VPS13B: variants seen among roughly 807,000 people sequenced by gnomAD.
The protein encoded by VPS13B is vacuolar protein sorting 13 homolog B, also known as intermembrane lipid transfer protein VPS13B.
VPS13B carries 285 observed loss-of-function variants against 426.4 expected under a neutral mutation model. The ratio of observed to expected loss-of-function variants is 0.67; its 90% CI spans 0.61 to 0.74. The LOEUF (loss-of-function observed/expected upper bound fraction) is 0.74, where lower values mean the gene tolerates loss of function less well. VPS13B is among the 30% of genes least tolerant of loss of function. The probability of loss-of-function intolerance (pLI) is 0.00; values close to 1 mark genes in which losing one functional copy is unlikely to be tolerated. For missense variants in VPS13B, 4,537 were observed against 4,782.6 expected (o/e 0.95, Z 1.51); for synonymous variants, 1,676 against 1,676.4 (o/e 1.00, Z 0.01).
chr8:99,278,162 T>C (rs1818991914), intron 19 of VPS13B, among the ~76,000 whole-genome samples: 1 of 152,168 alleles, frequency 6.6e-6, no homozygotes, highest in Non-Finnish European at 1.5e-5. Context: ...TTTTGGGTCA[T>C]GGCATGATGT....
intron 17 of VPS13B, among the ~76,000 whole-genome samples, chr8:99,259,079 G>C (rs568206617): frequency 2.6e-5 from 4 of 152,048 alleles, no homozygotes; most frequent in Admixed American, 6.6e-5. Context: ...ATTAACCACT[G>C]CCCATTTATT....
chr8:99,684,708 A>G (rs1831307607), intron 35 of VPS13B, among the ~76,000 whole-genome samples: 1 of 152,264 alleles, frequency 6.6e-6, no homozygotes, highest in African/African-American at 2.4e-5. Context: ...TGGAAGAGAC[A>G]GGTTCCATCA....
chr8:99,791,603 G>C (rs74515648), intron 43 of VPS13B, among the ~76,000 whole-genome samples: 6,952 of 151,870 alleles, frequency 0.046, 170 homozygotes, highest in African/African-American at 0.061. Flanking sequence ...GCTGCGTAGT[G>C]CAGGAGTGAG....
chr8:99,760,524 C>G (rs149011282), intron 39 of VPS13B, among the ~76,000 whole-genome samples: 3 of 151,890 alleles, frequency 2.0e-5, no homozygotes, highest in African/African-American at 7.3e-5. Context: ...AGGATTTTAT[C>G]CGAAGTGTGA....
intron 33 of VPS13B, among the ~76,000 whole-genome samples, chr8:99,604,494 T>TG: frequency 6.9e-6 from 1 of 145,908 alleles, no homozygotes; most frequent in Middle Eastern, 3.5e-3. Flanking sequence ...GTTTCCTTGG[T>TG]GTTTTTTTTT....
In VPS13B at chr8:99,281,523, T is replaced by A. The variant is rs538736779; in HGVS notation, c.2824+6269T>A. ...ATTTGGTTCCTTAACTTCGGGTTCATCTCCTGTTATGTAATTCACTGCATG... is the reference window on the plus strand; with the variant it reads ...ATTTGGTTCCTTAACTTCGGGTTCAACTCCTGTTATGTAATTCACTGCATG... On this transcript the variant is annotated intron_variant, in intron 19 of 61. Coordinates refer to ENST00000357162, the MANE Select transcript of VPS13B (RefSeq NM_152564.5). Among the ~76,000 whole-genome samples, 3 of 152,278 alleles carry A rather than the reference T, an allele frequency of 2.0e-5. 1 individual carries two copies. The South Asian group carries it at 6.2e-4, about 32-fold the overall frequency.
At chr8:99,296,850 C>CT (rs1820068370) in intron 19 of VPS13B, among the ~76,000 whole-genome samples, 1 of 152,166 alleles carries the variant, frequency 6.6e-6, no homozygotes, top group African/African-American at 2.4e-5. Context: ...GATAGTAAAC[C>CT]TGCAGGCATC....
chr8:99,709,619 A>G (rs1409548421), intron 36 of VPS13B, among the ~76,000 whole-genome samples: 2 of 152,218 alleles, frequency 1.3e-5, no homozygotes, highest in East Asian at 1.9e-4. Context: ...TAAAACTTAA[A>G]TTTAAAAGAT....
In VPS13B at chr8:99,859,320, T is replaced by C; in HGVS notation, c.10884T>C (p.Ser3628=). The C allele has an allele frequency of 1.2e-6, 2 of 1,613,784 alleles. No individual in the cohort carries two copies. The highest frequency in any genetic ancestry group is 1.7e-6 in the Non-Finnish European group (2 of 1,179,942). The part of the protein sequence containing the change: ...ALFRAGWVVG[S]LDILGSPASL... ...GCGTTGCAGGCTGGGTAGTTGGGTC[T>C]CTGGATATTCTTGGCAGCCCTGCAA... The change falls in exon 57 of 62, where the codon TCT becomes TCC. Residue 3628 remains serine (S), a synonymous_variant. Coordinates refer to ENST00000357162, the MANE Select transcript of VPS13B (RefSeq NM_152564.5).
chr8:99,810,110 G>A (rs1270185788), intron 44 of VPS13B, among the ~76,000 whole-genome samples: 1 of 152,064 alleles, frequency 6.6e-6, no homozygotes, highest in Admixed American at 6.5e-5. Flanking sequence ...TATAAAACTT[G>A]CTTTTTGGCT....
chr8:99,763,972 C>A (rs1301850871), intron 39 of VPS13B, among the ~76,000 whole-genome samples: 1 of 152,146 alleles, frequency 6.6e-6, no homozygotes, highest in African/African-American at 2.4e-5. Flanking sequence ...ACGTTTATTT[C>A]AACATTTAGT....
At chr8:99,755,929 A>G (rs1053437622) in intron 39 of VPS13B, among the ~76,000 whole-genome samples, 1 of 151,988 alleles carries the variant, frequency 6.6e-6, no homozygotes. Flanking sequence ...TTTTCAAGAA[A>G]GTAGTATGAG....
chr8:99,373,459 A>T (rs1211078965), intron 19 of VPS13B, among the ~76,000 whole-genome samples: 1 of 152,224 alleles, frequency 6.6e-6, no homozygotes, highest in Non-Finnish European at 1.5e-5. Context: ...TTAAAGCATT[A>T]ATTACTGACT....
chr8:99,064,205 A>G (rs1164260429), intron 3 of VPS13B, among the ~76,000 whole-genome samples: 2 of 152,152 alleles, frequency 1.3e-5, no homozygotes, highest in South Asian at 4.1e-4. Flanking sequence ...TTCTCCCCCA[A>G]AGGATCGTAG....
At chr8:99,606,612 C>G (rs1170184714) in intron 33 of VPS13B, among the ~76,000 whole-genome samples, 1 of 143,724 alleles carries the variant, frequency 7.0e-6, no homozygotes, top group Non-Finnish European at 1.5e-5. Context: ...CTTTTGTTTT[C>G]TTTTTCTTTT....
At chr8:99,054,623 A>C (rs1843734248) in intron 3 of VPS13B, among the ~76,000 whole-genome samples, 1 of 152,140 alleles carries the variant, frequency 6.6e-6, no homozygotes, top group African/African-American at 2.4e-5. Flanking sequence ...TATATCTAAG[A>C]GTTCATTGCT....
At chr8:99,029,998 AT>A (rs1488921783) in intron 2 of VPS13B, among the ~76,000 whole-genome samples, 4 of 152,064 alleles carry the variant, frequency 2.6e-5, no homozygotes, top group Admixed American at 6.5e-5. Context: ...GGTTGAGTCT[AT>A]TTGGGAAACT....
intron 11 of VPS13B, among the ~76,000 whole-genome samples, chr8:99,136,070 ACTT>A (rs1402309366): frequency 6.6e-6 from 1 of 152,016 alleles, no homozygotes; most frequent in African/African-American, 2.4e-5. Context: ...TACTATCTAT[ACTT>A]CTTAGTGTTT....
intron 35 of VPS13B, among the ~76,000 whole-genome samples, chr8:99,690,221 A>G (rs988483024): frequency 1.3e-5 from 2 of 152,196 alleles, no homozygotes; most frequent in Admixed American, 6.5e-5. Flanking sequence ...CTTTCAACAA[A>G]TGTTGCTGAC....
Sources: gnomAD v4.1 joint callset for allele counts (sites outside exome capture counted in the v4.1 genomes callset) on GRCh38, gnomAD v4.1.1 for gene constraint, MANE v1.5 for transcripts, NCBI Gene and HGNC (gene_info 2026-07-23, HGNC 2026-07-21) for gene names.